Variants in SEMA6D observed in about 807,000 individuals in gnomAD.
The protein encoded by SEMA6D is semaphorin 6D, also known as semaphorin-6D.
SEMA6D carries 35 observed loss-of-function variants against 106.6 expected under a neutral mutation model. The ratio of observed to expected loss-of-function variants is 0.33; its 90% CI spans 0.25 to 0.44. The LOEUF (loss-of-function observed/expected upper bound fraction) is 0.44, where lower values mean the gene tolerates loss of function less well. SEMA6D is among the 20% of genes least tolerant of loss of function. SEMA6D has a pLI of 1.00. For synonymous variants in SEMA6D, 499 were observed against 487.7 expected (o/e 1.02, Z -0.31); for missense variants, 1,185 against 1,345.9 (o/e 0.88, Z 1.87).
chr15:47,515,567 C>G (rs1207116919), intron 3 of SEMA6D, among the ~76,000 whole-genome samples: 2 of 152,158 alleles, frequency 1.3e-5, no homozygotes, highest in East Asian at 1.9e-4. Flanking sequence ...TGTAGCAAGC[C>G]TTCTGAAACA....
At chr15:47,662,004 C>T (rs1239829599) in intron 4 of SEMA6D, among the ~76,000 whole-genome samples, 1 of 152,148 alleles carries the variant, frequency 6.6e-6, no homozygotes, top group Non-Finnish European at 1.5e-5. Flanking sequence ...TTACAGTCTT[C>T]AGATGTGGTC....
chr15:47,275,249 TCAC>T (rs2034747266), intron 1 of SEMA6D: 1 of 152,120 alleles, frequency 6.6e-6, no homozygotes, highest in South Asian at 2.1e-4. Context: ...ACAGTTATAA[TCAC>T]CACACAAATA....
intron 2 of SEMA6D, among the ~76,000 whole-genome samples, chr15:47,437,842 A>T (rs2041768691): frequency 6.6e-6 from 1 of 152,130 alleles, no homozygotes; most frequent in African/African-American, 2.4e-5. Context: ...AGCACCAAAA[A>T]TAACCCCTTA....
At chr15:47,565,324 G>C (rs1382276637) in intron 3 of SEMA6D, among the ~76,000 whole-genome samples, 1 of 152,182 alleles carries the variant, frequency 6.6e-6, no homozygotes, top group East Asian at 1.9e-4. Flanking sequence ...CCCATGAGGG[G>C]TGGAGCACAG....
In SEMA6D at chr15:47,407,391, A is replaced by AAAC. The variant is rs1186062783; in HGVS notation, c.-238-4984_-238-4982dup. 1.5e-4 allele frequency among the ~76,000 whole-genome samples: 21 copies of AAAC among 140,034 alleles called. 1 individual carries two copies. The highest frequency in any genetic ancestry group is 2.3e-4 in the South Asian group (1 of 4,382). 91.9% of individuals were successfully genotyped at this position (140,034 alleles called of 152,430 possible). A position where few individuals can be genotyped will look rare whatever the true frequency, so the allele number is the denominator to read the frequency against. On this transcript the variant is annotated intron_variant, in intron 1 of 19. Transcript: ENST00000558014. ...CTCAAAAAAAAAAAAAAAAAAACCA[A>AAAC]AACAACAACAACAACAACAAAAAAA... is the stretch of plus-strand genomic sequence containing the variant.
chr15:47,668,941 T>C (rs1040294288), intron 4 of SEMA6D, among the ~76,000 whole-genome samples: 1 of 152,206 alleles, frequency 6.6e-6, no homozygotes, highest in Non-Finnish European at 1.5e-5. Context: ...TTTTGTTGCC[T>C]CTCCTTTTTT....
At chr15:47,280,313 G>A (rs540505659) in intron 1 of SEMA6D, among the ~76,000 whole-genome samples, 2,569 of 151,418 alleles carry the variant, frequency 0.017, 39 homozygotes, top group African/African-American at 0.019. Flanking sequence ...GTTTATTTGC[G>A]TAGAGGTGTT....
chr15:47,290,124 A>G lies in SEMA6D; in HGVS notation c.-239+105706A>G, dbSNP rs887230340. Among the ~76,000 whole-genome samples the G allele has an allele frequency of 3.3e-5, 5 of 152,218 alleles. No homozygotes were observed. In the East Asian group the frequency reaches 7.7e-4, roughly 23 times the overall value. On this transcript the variant is annotated intron_variant, in intron 1 of 19. Transcript: ENST00000558014. ...CAGAATTATTTTTCATCTAAGAAAT[A>G]CAAGGATACATTCACATCTCTGGTT...
chr15:47,208,754 A>G (rs1021452779), intron 1 of SEMA6D, among the ~76,000 whole-genome samples: 1 of 152,194 alleles, frequency 6.6e-6, no homozygotes, highest in Non-Finnish European at 1.5e-5. Flanking sequence ...ATTGGGCAGA[A>G]GTTGGTATTC....
chr15:47,651,120 T>G (rs543240227), intron 4 of SEMA6D, among the ~76,000 whole-genome samples: 5 of 152,204 alleles, frequency 3.3e-5, no homozygotes, highest in Non-Finnish European at 7.3e-5. Flanking sequence ...AAAAAATTCC[T>G]AAATTTGTCC....
At chr15:47,493,535 T>C (rs2043538215) in intron 3 of SEMA6D, among the ~76,000 whole-genome samples, 1 of 152,164 alleles carries the variant, frequency 6.6e-6, no homozygotes, top group Admixed American at 6.6e-5. Flanking sequence ...CAGACACCCT[T>C]GACGGAGAAT....
intron 1 of SEMA6D, among the ~76,000 whole-genome samples, chr15:47,399,714 G>A (rs2040334125): frequency 6.6e-6 from 1 of 152,156 alleles, no homozygotes. Context: ...GGAGAAGCTG[G>A]GGACTAAAGG....
chr15:47,741,945 C>T (rs530111589), intron 1 of SEMA6D, among the ~76,000 whole-genome samples: 26 of 152,154 alleles, frequency 1.7e-4, no homozygotes, highest in African/African-American at 5.8e-4. Context: ...GAGTGTCCTG[C>T]GAGGAGAGCA....
At chr15:47,739,548 A>G (rs886513341) in intron 1 of SEMA6D, among the ~76,000 whole-genome samples, 1 of 152,208 alleles carries the variant, frequency 6.6e-6, no homozygotes, top group Non-Finnish European at 1.5e-5. Context: ...ATACATCTCA[A>G]GAAGAATAAT....
At chr15:47,268,285 C>T (rs1181598718) in intron 1 of SEMA6D, among the ~76,000 whole-genome samples, 1 of 152,136 alleles carries the variant, frequency 6.6e-6, no homozygotes, top group East Asian at 1.9e-4. Context: ...GAACTACTGA[C>T]CTAGACCTTC....
At chr15:47,237,443 T>TA (rs1472335170) in intron 1 of SEMA6D, among the ~76,000 whole-genome samples, 1 of 116,640 alleles carries the variant, frequency 8.6e-6, no homozygotes, top group African/African-American at 2.6e-5. Flanking sequence ...TTTTTTCACT[T>TA]ATTGTTCTCT....
At chr15:47,395,083 A>G (rs890775637) in intron 1 of SEMA6D, among the ~76,000 whole-genome samples, 3 of 152,184 alleles carry the variant, frequency 2.0e-5, no homozygotes, top group South Asian at 4.1e-4. Context: ...TCCCAAATAC[A>G]TAAAGGTATA....
intron 1 of SEMA6D, among the ~76,000 whole-genome samples, chr15:47,229,788 G>A (rs1171775829): frequency 6.6e-6 from 1 of 152,058 alleles, no homozygotes; most frequent in East Asian, 1.9e-4. Context: ...TCTTTATTAT[G>A]TGTGGGACTG....
intron 3 of SEMA6D, among the ~76,000 whole-genome samples, chr15:47,491,481 A>T (rs2043474180): frequency 6.6e-6 from 1 of 152,222 alleles, no homozygotes; most frequent in African/African-American, 2.4e-5. Context: ...ATGCAAATAT[A>T]TGTGGCTTCA....
Sources: gnomAD v4.1 joint callset for allele counts (sites outside exome capture counted in the v4.1 genomes callset) on GRCh38, gnomAD v4.1.1 for gene constraint, MANE v1.5 for transcripts, NCBI Gene and HGNC (gene_info 2026-07-23, HGNC 2026-07-21) for gene names.